XXYLT1: variants seen among roughly 807,000 people sequenced by gnomAD.
XXYLT1 encodes xyloside xylosyltransferase 1, also known as UDP-xylose:alpha-xyloside alpha-1,3-xylosyltransferase.
Under a neutral mutation model 28.9 loss-of-function variants are expected in XXYLT1, and 20 were observed. The ratio of observed to expected loss-of-function variants is 0.69; its 90% CI spans 0.49 to 1.00. XXYLT1 has a LOEUF of 1.00. Ranked by LOEUF, XXYLT1 falls within the 50% of genes least tolerant of loss-of-function variation. XXYLT1 has a pLI of 0.00. For synonymous variants in XXYLT1, 257 were observed against 253.8 expected, an observed-to-expected ratio of 1.01 and a Z score of -0.12; for missense variants, 542 against 560.1, an observed-to-expected ratio of 0.97 and a Z score of 0.33.
At chr3:195,187,707 C>T (rs1243056486) in intron 2 of XXYLT1, among the ~76,000 whole-genome samples, 1 of 152,148 alleles carries the variant, frequency 6.6e-6, no homozygotes, top group Non-Finnish European at 1.5e-5. Context: ...AAACTTTTTT[C>T]ATTTGCAGCT....
chr3:195,125,711 G>A (rs1299187620), intron 3 of XXYLT1, among the ~76,000 whole-genome samples: 6 of 152,242 alleles, frequency 3.9e-5, no homozygotes, highest in Non-Finnish European at 8.8e-5. Flanking sequence ...CTGAAATCTT[G>A]CCTGGAAATA....
chr3:195,253,906 G>A (rs1346952520), intron 1 of XXYLT1, among the ~76,000 whole-genome samples: 3 of 152,242 alleles, frequency 2.0e-5, no homozygotes, highest in Non-Finnish European at 2.9e-5. Context: ...CTCTGCAAAC[G>A]CTGCTCAGCA....
chr3:195,228,971 C>G (rs973956520), intron 1 of XXYLT1, among the ~76,000 whole-genome samples: 3 of 152,114 alleles, frequency 2.0e-5, no homozygotes, highest in Admixed American at 1.3e-4. Flanking sequence ...CACCACCATG[C>G]CTGGCTAATT....
intron 1 of XXYLT1, among the ~76,000 whole-genome samples, chr3:195,260,626 G>T (rs1274035188): frequency 6.6e-6 from 1 of 152,208 alleles, no homozygotes; most frequent in Non-Finnish European, 1.5e-5. Flanking sequence ...TTCGCTGTGG[G>T]TATTAGGGTG....
chr3:195,182,902 G>A (rs779359156), intron 2 of XXYLT1, among the ~76,000 whole-genome samples: 3 of 152,070 alleles, frequency 2.0e-5, no homozygotes, highest in South Asian at 2.1e-4. Flanking sequence ...CTGTACTAAC[G>A]TATGTACCAA....
intron 2 of XXYLT1, among the ~76,000 whole-genome samples, chr3:195,199,506 G>A (rs1372976509): frequency 2.0e-5 from 3 of 152,220 alleles, no homozygotes; most frequent in South Asian, 2.1e-4. Context: ...AGCTACTCAT[G>A]AGGCTGAGGC....
At chr3:195,143,871 GAT>G (rs1334344433) in intron 3 of XXYLT1, among the ~76,000 whole-genome samples, 4,197 of 81,250 alleles carry the variant, frequency 0.052, 470 homozygotes, top group African/African-American at 0.2. Context: ...TATAGATATA[GAT>G]ATATATATAT....
At chr3:195,202,601 A>T (rs1272979173) in intron 2 of XXYLT1, among the ~76,000 whole-genome samples, 2 of 152,176 alleles carry the variant, frequency 1.3e-5, no homozygotes, top group Non-Finnish European at 2.9e-5. Context: ...ACTGCCACAT[A>T]TAAAGACTGC....
At chr3:195,243,931 C>T (rs762881917) in intron 1 of XXYLT1, among the ~76,000 whole-genome samples, 3 of 152,184 alleles carry the variant, frequency 2.0e-5, no homozygotes, top group Non-Finnish European at 4.4e-5. Flanking sequence ...GCCTGCCCAG[C>T]TAATTTCTAA....
intron 2 of XXYLT1, among the ~76,000 whole-genome samples, chr3:195,200,370 A>C (rs554884057): frequency 1.3e-5 from 2 of 152,212 alleles, no homozygotes; most frequent in African/African-American, 4.8e-5. Context: ...TCCCACTGCC[A>C]AGGGTGGATT....
At chr3:195,156,426 G>A (rs767878504) in intron 3 of XXYLT1, 23 bp downstream of exon 3, 1 of 1,609,366 alleles carries the variant, frequency 6.2e-7, no homozygotes, top group South Asian at 1.1e-5. Context: ...CGTGGAGGCG[G>A]CCCCCCTGCA....
intron 3 of XXYLT1, among the ~76,000 whole-genome samples, chr3:195,111,900 G>C (rs903025639): frequency 1.3e-5 from 2 of 152,170 alleles, no homozygotes; most frequent in African/African-American, 4.8e-5. Flanking sequence ...AAGATCATTT[G>C]CTCGCCCCAA....
At chr3:195,169,147 G>GA (rs139276613) in intron 2 of XXYLT1, among the ~76,000 whole-genome samples, 6,310 of 152,352 alleles carry the variant, frequency 0.041, 453 homozygotes, top group African/African-American at 0.14. Context: ...GGCCGACCAT[G>GA]ATGGCTACAC....
At chr3:195,269,021 TTGGAGA>T (rs1342165399) in intron 1 of XXYLT1, among the ~76,000 whole-genome samples, 3 of 152,076 alleles carry the variant, frequency 2.0e-5, no homozygotes, top group Non-Finnish European at 2.9e-5. Context: ...TGGGCAAGAC[TTGGAGA>T]TGGAGAGAAG....
At position 195,103,289 on chromosome 3, in the gene XXYLT1, T is replaced by C. The variant is rs185267058; in HGVS notation, c.786-33178A>G. Among the ~76,000 whole-genome samples, 392 of 151,654 alleles carry C rather than the reference T, an allele frequency of 2.6e-3. 5 individuals carry two copies. The highest frequency in any genetic ancestry group is 9.0e-3 in the African/African-American group (372 of 41,224). On this transcript the variant is annotated intron_variant, in intron 3 of 3. Transcript: ENST00000310380. The stretch of plus-strand genomic sequence containing the variant: ...TGGTTCTGTGACAGAAAAACAGGAG[T>C]GCAGGAATGCACCCCCACACCAGCG...
At chr3:195,122,294 A>G in intron 3 of XXYLT1, 1 of 645,204 alleles carries the variant, frequency 1.5e-6, no homozygotes, top group South Asian at 1.8e-5. Flanking sequence ...TATTCAGTCC[A>G]TTGCACCCCT....
At chr3:195,245,147 T>C (rs906619779) in intron 1 of XXYLT1, among the ~76,000 whole-genome samples, 1 of 150,098 alleles carries the variant, frequency 6.7e-6, no homozygotes, top group Non-Finnish European at 1.5e-5. Flanking sequence ...GCCTTATGTG[T>C]AGCCCAAGAA....
chr3:195,142,533 A>G (rs1434804773), intron 3 of XXYLT1, among the ~76,000 whole-genome samples: 1 of 152,268 alleles, frequency 6.6e-6, no homozygotes, highest in Non-Finnish European at 1.5e-5. Context: ...TAAGTTTTCT[A>G]TTAGTCAACT....
chr3:195,221,440 G>A (rs548748018), intron 2 of XXYLT1, among the ~76,000 whole-genome samples: 8 of 152,380 alleles, frequency 5.3e-5, no homozygotes, highest in Admixed American at 2.0e-4. Context: ...AAACAGTAGC[G>A]CTTAGCATAG....
Sources: gnomAD v4.1 joint callset for allele counts (sites outside exome capture counted in the v4.1 genomes callset) on GRCh38, gnomAD v4.1.1 for gene constraint, MANE v1.5 for transcripts, NCBI Gene and HGNC (gene_info 2026-07-23, HGNC 2026-07-21) for gene names.